Variants in SUPT3H observed in about 807,000 individuals in gnomAD.
The protein encoded by SUPT3H is transcription initiation protein SPT3 homolog.
A neutral mutation model predicts 44.3 loss-of-function variants in SUPT3H; 44 were observed. The ratio of observed to expected loss-of-function variants is 0.99; its 90% confidence interval spans 0.78 to 1.28. SUPT3H has a LOEUF of 1.28. SUPT3H is among the 50% of genes most tolerant of loss of function. The probability of loss-of-function intolerance (pLI) is 0.00; values close to 1 mark genes in which losing one functional copy is unlikely to be tolerated. For synonymous variants in SUPT3H, 124 were observed against 125.6 expected (o/e 0.99, Z 0.09); for missense variants, 380 against 387.1 (o/e 0.98, Z 0.15).
chr6:44,897,226 G>A (rs1361881619), intron 10 of SUPT3H, among the ~76,000 whole-genome samples: 3 of 152,126 alleles, frequency 2.0e-5, no homozygotes, highest in African/African-American at 7.2e-5. Flanking sequence ...GGTGCTTTTT[G>A]AAAAAGCTGG....
chr6:45,179,106 C>A (rs549369384), intron 2 of SUPT3H, among the ~76,000 whole-genome samples: 1 of 151,936 alleles, frequency 6.6e-6, no homozygotes, highest in African/African-American at 2.4e-5. Flanking sequence ...AACACCTCTA[C>A]GCAAATAAAC....
intron 7 of SUPT3H, among the ~76,000 whole-genome samples, chr6:44,960,771 T>A (rs1430927797): frequency 6.6e-6 from 1 of 152,112 alleles, no homozygotes; most frequent in African/African-American, 2.4e-5. Flanking sequence ...AGATGTATGA[T>A]GCCAAGTTGT....
At chr6:45,296,542 T>C (rs529450722) in intron 2 of SUPT3H, among the ~76,000 whole-genome samples, 3 of 151,776 alleles carry the variant, frequency 2.0e-5, no homozygotes, top group African/African-American at 7.2e-5. Flanking sequence ...AGTTTGAGAC[T>C]AGCCTGGCCA....
chr6:44,850,315 T>G (rs1031826326), intron 10 of SUPT3H, among the ~76,000 whole-genome samples: 2 of 152,020 alleles, frequency 1.3e-5, no homozygotes, highest in African/African-American at 4.8e-5. Flanking sequence ...CCCCCTAACC[T>G]TTTTTTTCCT....
intron 3 of SUPT3H, among the ~76,000 whole-genome samples, chr6:45,034,020 G>T (rs1410064498): frequency 1.3e-5 from 2 of 152,124 alleles, no homozygotes; most frequent in African/African-American, 4.8e-5. Context: ...TTAGTCAGGG[G>T]CTTGGAGGGA....
chr6:45,179,984 G>C (rs916486599), intron 2 of SUPT3H, among the ~76,000 whole-genome samples: 1 of 152,052 alleles, frequency 6.6e-6, no homozygotes, highest in African/African-American at 2.4e-5. Context: ...TCTCAGCCCA[G>C]AATCTCCTTA....
chr6:45,033,947 G>A (rs1465664773), intron 3 of SUPT3H, among the ~76,000 whole-genome samples: 1 of 152,124 alleles, frequency 6.6e-6, no homozygotes, highest in East Asian at 1.9e-4. Flanking sequence ...ATATATGTGT[G>A]TCTGAGGCAT....
intron 3 of SUPT3H, among the ~76,000 whole-genome samples, chr6:45,044,539 T>C (rs1583226878): frequency 6.6e-6 from 1 of 152,188 alleles, no homozygotes; most frequent in Admixed American, 6.6e-5. Flanking sequence ...ACAGCTATCA[T>C]TAGAAGAGAC....
intron 10 of SUPT3H, among the ~76,000 whole-genome samples, chr6:44,886,618 C>T (rs1309301424): frequency 2.6e-5 from 4 of 152,044 alleles, no homozygotes; most frequent in Non-Finnish European, 4.4e-5. Context: ...CTGAAGGAAG[C>T]ACTAAACATG....
In SUPT3H at chr6:45,235,534, A is replaced by C. The variant is rs566273977; in HGVS notation, c.102-129528T>G. ...TGTGTGTGTGTGTACCTGAGACCTAAATTGTACCCAGTACCTAAGACCCTA... is the reference window on the plus strand; with the variant it reads ...TGTGTGTGTGTGTACCTGAGACCTACATTGTACCCAGTACCTAAGACCCTA... On this transcript the variant is annotated intron_variant, in intron 2 of 10. Transcript: ENST00000371459. Among the ~76,000 whole-genome samples the C allele has an allele frequency of 2.0e-4, 30 of 152,136 alleles. No individual in the cohort carries two copies. In the South Asian group the frequency reaches 6.0e-3, roughly 31 times the overall value.
In SUPT3H at chr6:45,314,077, C is replaced by T. The variant is rs528743937; in HGVS notation, c.101+51124G>A. On this transcript the variant is annotated intron_variant, in intron 2 of 10. Coordinates refer to ENST00000371459, the MANE Select transcript of SUPT3H (RefSeq NM_003599.4). ...TCTCAATCGATGCAGAAAAAGCATT[C>T]GACAAAATCCAGCATCCCTTTATGA... is the stretch of plus-strand genomic sequence containing the variant. 7.9e-5 allele frequency among the ~76,000 whole-genome samples: 12 copies of T among 152,250 alleles called. No individual in the cohort carries two copies. The Middle Eastern group carries it at 0.01, about 129-fold the overall frequency.
chr6:44,989,856 T>C lies in SUPT3H; in HGVS notation c.504+13797A>G, dbSNP rs145517161. ...CCTTTTTTTAATTGGGTTGTTATTT[T>C]GCTATTGAGTTGTGTGAGTTCCTTA... On this transcript the variant is annotated intron_variant, in intron 6 of 10. Coordinates refer to ENST00000371459, the MANE Select transcript of SUPT3H (RefSeq NM_003599.4). Among the ~76,000 whole-genome samples, 37 of 152,268 alleles carry C rather than the reference T, an allele frequency of 2.4e-4. No homozygotes were observed. In the East Asian group the frequency reaches 6.6e-3, roughly 27 times the overall value.
chr6:45,290,024 T>A (rs960716151), intron 2 of SUPT3H, among the ~76,000 whole-genome samples: 6 of 151,888 alleles, frequency 4.0e-5, no homozygotes, highest in Non-Finnish European at 8.8e-5. Context: ...ACAAAAATTT[T>A]AAAAAGTTAG....
intron 2 of SUPT3H, among the ~76,000 whole-genome samples, chr6:45,225,205 G>A (rs1216885814): frequency 6.6e-6 from 1 of 151,480 alleles, no homozygotes; most frequent in Non-Finnish European, 1.5e-5. Flanking sequence ...CTTGAACCTC[G>A]GAGGTGGAGG....
chr6:44,954,531 T>C lies in SUPT3H; in HGVS notation c.657A>G (p.Glu219=). ...MEIKPNVVAM[E]ILAYLAYETV... ...TTTCATACGCTAAATATGCTAAGAT[T>C]TCCATTGCGACAACATTGGGTTTTA... Residue 219 remains glutamate (E), a synonymous_variant, in exon 8 of 11, where the codon GAA becomes GAG. Transcript: ENST00000371459. 6.2e-7 allele frequency: 1 copy of C among 1,614,092 alleles called. No homozygotes were observed.
chr6:44,897,203 A>C (rs1241971245), intron 10 of SUPT3H, among the ~76,000 whole-genome samples: 2 of 152,224 alleles, frequency 1.3e-5, no homozygotes, highest in Non-Finnish European at 2.9e-5. Context: ...CTCTACAGTG[A>C]GGATACACAC....
intron 5 of SUPT3H, among the ~76,000 whole-genome samples, chr6:45,014,301 A>G (rs1425966420): frequency 6.6e-6 from 1 of 152,082 alleles, no homozygotes; most frequent in Non-Finnish European, 1.5e-5. Flanking sequence ...TACCATCCCA[A>G]ACTTCATGGT....
chr6:45,356,684 T>A (rs1793258582), intron 2 of SUPT3H, among the ~76,000 whole-genome samples: 1 of 151,612 alleles, frequency 6.6e-6, no homozygotes, highest in Non-Finnish European at 1.5e-5. Flanking sequence ...GGATTATAGG[T>A]GTGAGCCACC....
intron 2 of SUPT3H, among the ~76,000 whole-genome samples, chr6:45,138,366 AAG>A (rs1270269402): frequency 6.6e-6 from 1 of 152,150 alleles, no homozygotes; most frequent in African/African-American, 2.4e-5. Context: ...CAATCCATCC[AAG>A]AGAACAGAGA....
Sources: gnomAD v4.1 joint callset for allele counts (sites outside exome capture counted in the v4.1 genomes callset) on GRCh38, gnomAD v4.1.1 for gene constraint, MANE v1.5 for transcripts, NCBI Gene and HGNC (gene_info 2026-07-23, HGNC 2026-07-21) for gene names.